RGPD1: variants seen among roughly 807,000 people sequenced by gnomAD.
RGPD1 encodes the protein RANBP2-like and GRIP domain-containing protein 1.
RGPD1 carries 7 observed loss-of-function variants against 40.6 expected under a neutral mutation model. That is an observed-to-expected ratio of 0.17 (90% CI 0.10 to 0.32). The LOEUF (loss-of-function observed/expected upper bound fraction) is 0.32, where lower values mean the gene tolerates loss of function less well. Among genes scored for constraint, RGPD1 ranks in the 10% least tolerant of loss-of-function variants. RGPD1 has a pLI of 1.00. For synonymous variants in RGPD1, 24 were observed against 167.0 expected (o/e 0.14, Z 6.60); for missense variants, 50 against 472.5 (o/e 0.11, Z 8.29).
chr2:86,938,833 C>T (rs191248129), upstream of RGPD1, among the ~76,000 whole-genome samples: 5 of 135,438 alleles, frequency 3.7e-5, no homozygotes, highest in East Asian at 2.3e-4. Flanking sequence ...GAGCTGAGAT[C>T]GTGCCACTGT....
chr2:86,942,510 C>CGGGCGGCGGCGGCGGCCTCGACCTGGCT lies in RGPD1; in HGVS notation c.72+229_72+230insTGGGCGGCGGCGGCGGCCTCGACCTGGC, dbSNP rs1679912960. On this transcript the variant is annotated intron_variant, in intron 1 of 22. Transcript: ENST00000641458. ...GCGGCGGCGGCGGCCTCGACCTGGC[C>CGGGCGGCGGCGGCGGCCTCGACCTGGCT]GGGCGGCGGCGGCGGCCTCGACCTG... Among the ~76,000 whole-genome samples the CGGGCGGCGGCGGCGGCCTCGACCTGGCT allele has an allele frequency of 1.3e-4, 17 of 126,166 alleles. 1 individual carries two copies. The highest frequency in any genetic ancestry group is 3.8e-4 in the Admixed American group (5 of 13,322). 82.8% of individuals were successfully genotyped at this position (126,166 alleles called of 152,430 possible).
In RGPD1 at chr2:86,985,449, TATC is replaced by T. The variant is rs984063536; in HGVS notation, c.2677-109_2677-107del. On this transcript the variant is annotated intron_variant, in intron 19 of 22. Transcript: ENST00000641458. ...ACATTAATAAATGCTCAATAAATGT[TATC>T]ATCATCATCATCATCATTATTGTTA... The T allele has an allele frequency of 7.5e-4, 431 of 577,534 alleles. 53 individuals carry two copies. The highest frequency in any genetic ancestry group is 1.8e-3 in the Middle Eastern group (3 of 1,670). The allele number at this position is 577,534 out of a possible 1,614,324, so 35.8% of individuals were successfully genotyped here.
At chr2:86,926,973 C>T (rs1219218747) in intron 1 of RGPD1, among the ~76,000 whole-genome samples, 1 of 152,160 alleles carries the variant, frequency 6.6e-6, no homozygotes, top group Admixed American at 6.5e-5. Flanking sequence ...GAGAGCCCTT[C>T]ATTTTGAATA....
intron 22 of RGPD1, among the ~76,000 whole-genome samples, chr2:87,008,991 G>GA (rs1333969012): frequency 1.3e-5 from 2 of 148,890 alleles, no homozygotes; most frequent in East Asian, 3.9e-4. Flanking sequence ...AGACTTTTTG[G>GA]AAATACCAGA....
chr2:86,942,847 G>A (rs1198088172), intron 1 of RGPD1, among the ~76,000 whole-genome samples: 2 of 152,004 alleles, frequency 1.3e-5, no homozygotes, highest in Non-Finnish European at 2.9e-5. Context: ...GTCCTGGGGG[G>A]ACCGCGGTGG....
At chr2:86,931,144 T>A (rs1322886355) in intron 1 of RGPD1, among the ~76,000 whole-genome samples, 1 of 136,336 alleles carries the variant, frequency 7.3e-6, no homozygotes, top group Non-Finnish European at 1.6e-5. Context: ...TAATCTCAGC[T>A]CCATGATATA....
intron 1 of RGPD1, among the ~76,000 whole-genome samples, chr2:86,931,893 T>G (rs2104715041): frequency 6.7e-6 from 1 of 148,638 alleles, no homozygotes; most frequent in East Asian, 1.9e-4. Context: ...CATTTGGTAG[T>G]TAGACATATA....
chr2:86,927,101 C>A (rs1678566417), intron 1 of RGPD1, among the ~76,000 whole-genome samples: 1 of 152,156 alleles, frequency 6.6e-6, no homozygotes, highest in African/African-American at 2.4e-5. Flanking sequence ...TTCCTTCCCA[C>A]TTAAATCAGT....
In RGPD1 at chr2:86,914,309, G is replaced by T. The variant is rs1157673901; in HGVS notation, c.72+388G>T. Among the ~76,000 whole-genome samples the T allele has an allele frequency of 9.6e-4, 65 of 67,986 alleles. 3 individuals are homozygous for T. Among genetic ancestry groups the T allele is most frequent in the Non-Finnish European group, 1.4e-3 (48 of 34,594 alleles). The allele number at this position is 67,986 out of a possible 152,430, so 44.6% of individuals were successfully genotyped here. The stretch of plus-strand genomic sequence containing the variant: ...GGCGGCGGCGGCGGCGGCGGCGGCG[G>T]CGGCGGCGGCCTCGGCCTGGCCGGG... On this transcript the variant is annotated intron_variant, in intron 1 of 22. Transcript: ENST00000398193.
At chr2:86,998,299 A>G in intron 22 of RGPD1, among the ~76,000 whole-genome samples, 1 of 22,680 alleles carries the variant, frequency 4.4e-5, no homozygotes, top group Non-Finnish European at 9.5e-5. Context: ...GGCGGATCAC[A>G]AGATCAAGAT....
chr2:86,946,269 C>CTT (rs1331286012), intron 1 of RGPD1, among the ~76,000 whole-genome samples: 2 of 71,680 alleles, frequency 2.8e-5, no homozygotes, highest in African/African-American at 5.0e-5. Context: ...ATTTTGTTTT[C>CTT]TTTTTTTTTT....
At chr2:86,925,204 TTA>T (rs1678391828) in intron 1 of RGPD1, among the ~76,000 whole-genome samples, 1 of 151,580 alleles carries the variant, frequency 6.6e-6, no homozygotes, top group African/African-American at 2.4e-5. Flanking sequence ...GAATGTGGCT[TTA>T]ACAGTGTCTT....
intron 1 of RGPD1, among the ~76,000 whole-genome samples, chr2:86,926,180 T>C (rs1406940638): frequency 2.6e-5 from 4 of 152,194 alleles, no homozygotes; most frequent in African/African-American, 9.6e-5. Flanking sequence ...GTTCAGTTCT[T>C]TTTCATTCAG....
intron 1 of RGPD1, among the ~76,000 whole-genome samples, chr2:86,918,189 T>G (rs1330067814): frequency 6.6e-6 from 1 of 151,130 alleles, no homozygotes; most frequent in East Asian, 1.9e-4. Flanking sequence ...ACTCTGTACT[T>G]ATACCATCTA....
intron 1 of RGPD1, among the ~76,000 whole-genome samples, chr2:86,942,787 C>T (rs1241725902): frequency 6.6e-6 from 1 of 151,736 alleles, no homozygotes; most frequent in Admixed American, 6.6e-5. Context: ...GAGGCGCCGG[C>T]CGGCTGGCGC....
rs1301546761 is a variant in RGPD1, at chr2:86,936,036, G to A, written c.73-15260G>A. Among the ~76,000 whole-genome samples the A allele has an allele frequency of 3.1e-5, 4 of 128,902 alleles. 1 individual carries two copies. The highest frequency in any genetic ancestry group is 7.5e-5 in the Admixed American group (1 of 13,258). 84.6% of individuals were successfully genotyped at this position (128,902 alleles called of 152,430 possible). On this transcript the variant is annotated intron_variant, in intron 1 of 22. Transcript: ENST00000398193. ...TTTTTTTTTTTTGAGATGGAGTCTC[G>A]TTCTATCACCCAGGCTGGAGGTGCA...
chr2:86,948,862 AC>A (rs201275395), intron 1 of RGPD1, among the ~76,000 whole-genome samples: 515 of 7,660 alleles, frequency 0.067, no homozygotes, highest in African/African-American at 0.23. Flanking sequence ...GCATTGAGCA[AC>A]GTTTTGTAAT....
At chr2:86,915,116 T>C (rs1677730678) in intron 1 of RGPD1, among the ~76,000 whole-genome samples, 1 of 149,726 alleles carries the variant, frequency 6.7e-6, no homozygotes, top group South Asian at 2.1e-4. Context: ...GCCAACGTGG[T>C]GAAACCCTTT....
chr2:86,932,254 CTTAG>C (rs1221125709), intron 1 of RGPD1, among the ~76,000 whole-genome samples: 4 of 102,728 alleles, frequency 3.9e-5, no homozygotes, highest in Non-Finnish European at 5.8e-5. Flanking sequence ...ACAATTTCAT[CTTAG>C]TTAATTAAAA....
Sources: allele counts gnomAD v4.1 joint callset (sites outside exome capture counted in the v4.1 genomes callset), GRCh38; gene constraint gnomAD v4.1.1; transcripts MANE v1.5; gene names NCBI Gene and HGNC (gene_info 2026-07-23, HGNC 2026-07-21).